Variants in CHCHD6 observed in about 807,000 individuals in gnomAD.
CHCHD6 encodes MICOS complex subunit MIC25.
CHCHD6 carries 28 observed loss-of-function variants against 32.3 expected under a neutral mutation model. The observed-to-expected ratio is 0.87, with a 90% confidence interval of 0.64 to 1.19. The LOEUF is 1.19. CHCHD6 is among the 50% of genes most tolerant of loss of function. The pLI is 0.00. For synonymous variants in CHCHD6, 122 were observed against 117.5 expected (o/e 1.04, Z -0.25); for missense variants, 333 against 307.0 (o/e 1.08, Z -0.63).
intron 4 of CHCHD6, among the ~76,000 whole-genome samples, chr3:126,802,214 G>A (rs1939114741): frequency 6.6e-6 from 1 of 152,256 alleles, no homozygotes; most frequent in Non-Finnish European, 1.5e-5. Flanking sequence ...GCTGGATGGA[G>A]AATGACTTTG....
chr3:126,919,199 A>T (rs2078209839), intron 6 of CHCHD6, among the ~76,000 whole-genome samples: 1 of 152,026 alleles, frequency 6.6e-6, no homozygotes, highest in Non-Finnish European at 1.5e-5. Context: ...TGTATTGTCA[A>T]TTAGGTTAAG....
At chr3:126,780,353 A>C in intron 4 of CHCHD6, 1 of 438,054 alleles carries the variant, frequency 2.3e-6, no homozygotes, top group Non-Finnish European at 4.5e-6. Flanking sequence ...ATACATTGAC[A>C]TGATTCAAAA....
At chr3:126,840,169 C>T (rs1313864376) in intron 4 of CHCHD6, among the ~76,000 whole-genome samples, 1 of 152,110 alleles carries the variant, frequency 6.6e-6, no homozygotes. Flanking sequence ...AATGATATTC[C>T]ATTATATAGA....
chr3:126,927,882 A>G (rs1368228798), intron 6 of CHCHD6, among the ~76,000 whole-genome samples: 2 of 152,110 alleles, frequency 1.3e-5, no homozygotes, highest in African/African-American at 4.8e-5. Context: ...AAAGCTTTGC[A>G]TCAGTTATGT....
chr3:126,797,332 G>A (rs901918716), intron 4 of CHCHD6, among the ~76,000 whole-genome samples: 3 of 152,168 alleles, frequency 2.0e-5, no homozygotes, highest in African/African-American at 4.8e-5. Context: ...TGCCTAAGAC[G>A]GGGGAGCAGG....
intron 5 of CHCHD6, among the ~76,000 whole-genome samples, chr3:126,895,726 C>G (rs895658256): frequency 1.8e-4 from 28 of 152,204 alleles, no homozygotes; most frequent in Admixed American, 6.5e-5. Flanking sequence ...AAACTTGTTC[C>G]TTTGCTGTAT....
intron 7 of CHCHD6, among the ~76,000 whole-genome samples, chr3:126,959,362 G>GC (rs1453208344): frequency 6.6e-6 from 1 of 152,248 alleles, no homozygotes; most frequent in African/African-American, 2.4e-5. Flanking sequence ...TTTGGAGACG[G>GC]CATATTCAAC....
chr3:126,826,352 A>G (rs975774346), intron 4 of CHCHD6, among the ~76,000 whole-genome samples: 1 of 152,212 alleles, frequency 6.6e-6, no homozygotes, highest in Admixed American at 6.5e-5. Context: ...TTATAAATAC[A>G]GTCATGTGTG....
intron 4 of CHCHD6, among the ~76,000 whole-genome samples, chr3:126,741,333 A>C (rs1378308774): frequency 7.1e-6 from 1 of 141,180 alleles, no homozygotes; most frequent in Non-Finnish European, 1.5e-5. Flanking sequence ...TCTTAAAACA[A>C]ATCAGTGATT....
At chr3:126,903,113 G>T (rs979782451) in intron 5 of CHCHD6, among the ~76,000 whole-genome samples, 1 of 152,170 alleles carries the variant, frequency 6.6e-6, no homozygotes, top group Non-Finnish European at 1.5e-5. Context: ...GTGGCTGGCC[G>T]CTGTCAGGAG....
intron 5 of CHCHD6, among the ~76,000 whole-genome samples, chr3:126,864,075 A>C (rs1395870632): frequency 0.015 from 528 of 35,784 alleles, no homozygotes; most frequent in East Asian, 0.019. Context: ...CTTCCCCCAC[A>C]ATCACCACCT....
intron 4 of CHCHD6, among the ~76,000 whole-genome samples, chr3:126,833,541 G>A (rs950492880): frequency 6.6e-6 from 1 of 152,224 alleles, no homozygotes; most frequent in Non-Finnish European, 1.5e-5. Context: ...TGTGGCGAGT[G>A]GGAAGAATGT....
intron 4 of CHCHD6, among the ~76,000 whole-genome samples, chr3:126,737,136 C>G (rs576065370): frequency 6.6e-6 from 1 of 151,934 alleles, no homozygotes; most frequent in Non-Finnish European, 1.5e-5. Flanking sequence ...GCCTGACCAA[C>G]ATGGTGAAAC....
chr3:126,926,140 C>A (rs1028689591), intron 6 of CHCHD6, among the ~76,000 whole-genome samples: 4 of 152,238 alleles, frequency 2.6e-5, no homozygotes, highest in African/African-American at 9.6e-5. Flanking sequence ...TGTCTAAAAT[C>A]CTCCTGGCCC....
intron 1 of CHCHD6, among the ~76,000 whole-genome samples, chr3:126,725,545 C>T (rs1426901407): frequency 6.6e-6 from 1 of 152,216 alleles, no homozygotes; most frequent in East Asian, 1.9e-4. Flanking sequence ...TTAAAAGTCA[C>T]CAACTGCATT....
chr3:126,908,987 C>T (rs917193654), intron 5 of CHCHD6, among the ~76,000 whole-genome samples: 2 of 152,246 alleles, frequency 1.3e-5, no homozygotes, highest in Non-Finnish European at 2.9e-5. Flanking sequence ...GTTGCCACTG[C>T]CCTGTGCTGC....
At chr3:126,907,281 A>G (rs1019523523) in intron 5 of CHCHD6, among the ~76,000 whole-genome samples, 1 of 152,170 alleles carries the variant, frequency 6.6e-6, no homozygotes, top group African/African-American at 2.4e-5. Flanking sequence ...ACAAGACAGG[A>G]AAGAGGGGTC....
chr3:126,806,571 C>G (rs368113372), intron 4 of CHCHD6, among the ~76,000 whole-genome samples: 1,985 of 151,804 alleles, frequency 0.013, 19 homozygotes, highest in Admixed American at 0.031. Context: ...AGGATGTGGA[C>G]AAATAGGAAC....
At chr3:126,861,637 ACTACCATCACCACCTCCCCCTCCT>A (rs1248691199) in intron 5 of CHCHD6, among the ~76,000 whole-genome samples, 1 of 141,374 alleles carries the variant, frequency 7.1e-6, no homozygotes, top group African/African-American at 2.7e-5. Context: ...CTCCTCCTCT[ACTACCATCACCACCTCCCCCTCCT>A]CTACCATCAC....
Sources: allele counts gnomAD v4.1 joint callset (sites outside exome capture counted in the v4.1 genomes callset), GRCh38; gene constraint gnomAD v4.1.1; transcripts MANE v1.5; gene names NCBI Gene and HGNC (gene_info 2026-07-23, HGNC 2026-07-21).